The following CADPS variants were observed in gnomAD, a reference collection of about 807,000 sequenced individuals.
CADPS encodes the protein calcium dependent secretion activator.
Under a neutral mutation model 167.3 loss-of-function variants are expected in CADPS, and 57 were observed. That is an observed-to-expected ratio of 0.34 (90% CI 0.28 to 0.42). CADPS has a LOEUF of 0.42. Among genes scored for constraint, CADPS ranks in the 20% least tolerant of loss-of-function variants. CADPS has a pLI of 1.00. For missense variants in CADPS, 1,414 were observed against 1,738.1 expected, an observed-to-expected ratio of 0.81 and a Z score of 3.32; for synonymous variants, 676 against 635.3, an observed-to-expected ratio of 1.06 and a Z score of -0.96.
chr3:62,647,975 C>T (rs1018835260), intron 5 of CADPS, among the ~76,000 whole-genome samples: 1 of 152,216 alleles, frequency 6.6e-6, no homozygotes, highest in Non-Finnish European at 1.5e-5. Flanking sequence ...GGCCTGGCTA[C>T]TGGGCACCCT....
At chr3:62,687,705 T>C (rs2078313641) in intron 3 of CADPS, among the ~76,000 whole-genome samples, 1 of 151,308 alleles carries the variant, frequency 6.6e-6, no homozygotes, top group Non-Finnish European at 1.5e-5. Flanking sequence ...GTATTGAGTT[T>C]TCATTGCTAC....
At chr3:62,561,143 G>C (rs954675583) in intron 9 of CADPS, among the ~76,000 whole-genome samples, 1 of 151,838 alleles carries the variant, frequency 6.6e-6, no homozygotes, top group African/African-American at 2.4e-5. Context: ...AGTGTGTGGG[G>C]GGTGAGGGGG....
intron 3 of CADPS, among the ~76,000 whole-genome samples, chr3:62,703,267 C>CGA (rs1293628616): frequency 2.0e-5 from 3 of 152,120 alleles, no homozygotes; most frequent in African/African-American, 7.2e-5. Context: ...TCTAGCTGAA[C>CGA]GACCCAATGA....
At chr3:62,526,488 C>T (rs148987347) in intron 13 of CADPS, among the ~76,000 whole-genome samples, 34 of 152,246 alleles carry the variant, frequency 2.2e-4, no homozygotes, top group Non-Finnish European at 2.1e-4. Context: ...GGAACATTGA[C>T]GCAACTTGCA....
intron 1 of CADPS, among the ~76,000 whole-genome samples, chr3:62,853,131 T>G (rs186611220): frequency 3.9e-5 from 6 of 152,164 alleles, no homozygotes; most frequent in Non-Finnish European, 8.8e-5. Flanking sequence ...AAGTGAACAG[T>G]AGGACAAACA....
chr3:62,734,424 T>A (rs1469030975), intron 3 of CADPS, among the ~76,000 whole-genome samples: 2 of 152,176 alleles, frequency 1.3e-5, no homozygotes, highest in African/African-American at 4.8e-5. Context: ...TCTCAGAAGC[T>A]CCCTGGTGTA....
intron 2 of CADPS, among the ~76,000 whole-genome samples, chr3:62,762,906 C>T (rs1258061244): frequency 2.0e-5 from 3 of 151,970 alleles, no homozygotes; most frequent in Admixed American, 2.0e-4. Flanking sequence ...TATTTTTTAA[C>T]GTTATTGCTG....
In CADPS at chr3:62,798,812, C is replaced by T. The variant is rs116003523; in HGVS notation, c.442-32828G>A. Among the ~76,000 whole-genome samples the T allele has an allele frequency of 9.7e-3, 1,480 of 152,216 alleles. 24 individuals are homozygous for T. The highest frequency in any genetic ancestry group is 0.033 in the African/African-American group (1,378 of 41,532). On this transcript the variant is annotated intron_variant, in intron 1 of 29. Transcript: ENST00000383710. ...TCCCAGTAACAGGCTTGTCAGTATTCATACCAGATTATGAACAAGGATCTC... is the reference window on the plus strand; with the variant it reads ...TCCCAGTAACAGGCTTGTCAGTATTTATACCAGATTATGAACAAGGATCTC...
At chr3:62,683,598 T>C (rs1563801041) in intron 3 of CADPS, among the ~76,000 whole-genome samples, 1 of 152,236 alleles carries the variant, frequency 6.6e-6, no homozygotes, top group East Asian at 1.9e-4. Context: ...TGAACAAACA[T>C]TGATACTTCA....
At chr3:62,827,839 G>A (rs531607313) in intron 1 of CADPS, among the ~76,000 whole-genome samples, 173 of 152,230 alleles carry the variant, frequency 1.1e-3, no homozygotes, top group Non-Finnish European at 2.0e-3. Flanking sequence ...TTGCCACTTA[G>A]TGTAATCATT....
chr3:62,476,933 A>G (rs1383643452), intron 23 of CADPS, among the ~76,000 whole-genome samples: 1 of 152,142 alleles, frequency 6.6e-6, no homozygotes, highest in Non-Finnish European at 1.5e-5. Context: ...CCCTAAGGAA[A>G]TATTTTGATC....
chr3:62,596,663 C>T (rs1238765810), intron 6 of CADPS, among the ~76,000 whole-genome samples: 2 of 152,032 alleles, frequency 1.3e-5, no homozygotes, highest in South Asian at 2.1e-4. Flanking sequence ...CTATATTCAC[C>T]CTGTAGTACT....
chr3:62,846,178 C>G (rs544279234), intron 1 of CADPS, among the ~76,000 whole-genome samples: 22 of 152,116 alleles, frequency 1.4e-4, no homozygotes, highest in African/African-American at 4.8e-4. Context: ...CCTGTACAAC[C>G]CGTGGAACTG....
At chr3:62,453,492 A>G (rs1351834944) in intron 26 of CADPS, among the ~76,000 whole-genome samples, 1 of 152,192 alleles carries the variant, frequency 6.6e-6, no homozygotes, top group Non-Finnish European at 1.5e-5. Context: ...TATAAAGGCA[A>G]AACCAAAACC....
chr3:62,679,298 G>A (rs1054816595), intron 3 of CADPS, among the ~76,000 whole-genome samples: 1 of 152,014 alleles, frequency 6.6e-6, no homozygotes, highest in Non-Finnish European at 1.5e-5. Flanking sequence ...CAGGTTAAAC[G>A]CACACTGAGG....
At chr3:62,400,960 C>T (rs369593398) in intron 29 of CADPS, among the ~76,000 whole-genome samples, 8 of 152,148 alleles carry the variant, frequency 5.3e-5, no homozygotes, top group African/African-American at 1.7e-4. Flanking sequence ...ACAATGTCAA[C>T]CCCTCTTGAA....
chr3:62,728,794 T>A (rs1014048008), intron 3 of CADPS, among the ~76,000 whole-genome samples: 1 of 151,890 alleles, frequency 6.6e-6, no homozygotes, highest in Non-Finnish European at 1.5e-5. Context: ...ATAAATATTG[T>A]AAGCTTGACT....
intron 21 of CADPS, among the ~76,000 whole-genome samples, chr3:62,486,384 G>A (rs567934164): frequency 4.8e-4 from 69 of 144,730 alleles, no homozygotes; most frequent in African/African-American, 1.8e-3. Flanking sequence ...GGCGGAGCTT[G>A]CAGTGAGCCA....
intron 28 of CADPS, among the ~76,000 whole-genome samples, chr3:62,431,622 TAAC>T (rs2053973119): frequency 6.6e-6 from 1 of 151,644 alleles, no homozygotes; most frequent in Non-Finnish European, 1.5e-5. Flanking sequence ...GCAGTCCCTA[TAAC>T]AAGTCAAGAT....
Sources: allele counts gnomAD v4.1 joint callset (sites outside exome capture counted in the v4.1 genomes callset), GRCh38; gene constraint gnomAD v4.1.1; transcripts MANE v1.5; gene names NCBI Gene and HGNC (gene_info 2026-07-23, HGNC 2026-07-21).